RGPD3: variants seen among roughly 807,000 people sequenced by gnomAD.
RGPD3 encodes the protein ranBP2-like and GRIP domain-containing protein 3.
In RGPD3, 62 loss-of-function variants were observed where a neutral mutation model predicts 154.5. The observed-to-expected ratio is 0.40, with a 90% CI of 0.33 to 0.50. The LOEUF (loss-of-function observed/expected upper bound fraction) is 0.50, where lower values mean the gene tolerates loss of function less well. Among genes scored for constraint, RGPD3 ranks in the 20% least tolerant of loss-of-function variants. The probability of loss-of-function intolerance (pLI) is 0.59; values close to 1 mark genes in which losing one functional copy is unlikely to be tolerated. For missense variants in RGPD3, 919 were observed against 1,716.8 expected, an observed-to-expected ratio of 0.54 and a Z score of 8.21; for synonymous variants, 308 against 607.0, an observed-to-expected ratio of 0.51 and a Z score of 7.24.
intron 17 of RGPD3, among the ~76,000 whole-genome samples, chr2:106,432,314 C>T (rs1370948418): frequency 6.8e-6 from 1 of 147,912 alleles, no homozygotes; most frequent in African/African-American, 2.5e-5. Context: ...TTAGCTGGGC[C>T]TGGTGGCGGG....
At position 106,423,818 on chromosome 2, in the gene RGPD3, C is replaced by G. The variant is rs376982005; in HGVS notation, c.4149G>C (p.Lys1383Asn). 1.5e-5 allele frequency: 24 copies of G among 1,611,860 alleles called. No homozygotes were observed. The highest frequency in any genetic ancestry group is 2.0e-5 in the Non-Finnish European group (24 of 1,179,872). The change falls in exon 20 of 23, where the codon AAG becomes AAC. Residue 1383 changes from lysine to asparagine, a missense_variant. By Grantham distance (94) the Lys-to-Asn change is moderately conservative. Coordinates refer to ENST00000409886, the MANE Select transcript of RGPD3 (RefSeq NM_001144013.2). ...QWKERGIGDIKILQNYDNKHV... is the reference protein window; with the variant it reads ...QWKERGIGDINILQNYDNKHV... ...GCTTATTATCATAATTCTGTAAAAT[C>G]TTTATATCACCAATGCCCCTTTCTT...
intron 6 of RGPD3, among the ~76,000 whole-genome samples, chr2:106,448,108 CTTTTTT>C (rs376235888): frequency 1.0e-4 from 11 of 110,088 alleles, no homozygotes; most frequent in African/African-American, 3.4e-4. Context: ...AATAAATTGT[CTTTTTT>C]TTTTTTTTTT....
intron 1 of RGPD3, among the ~76,000 whole-genome samples, chr2:106,467,434 G>T (rs1573310816): frequency 1.0e-5 from 1 of 98,110 alleles, no homozygotes; most frequent in Non-Finnish European, 2.1e-5. Flanking sequence ...GGCCGCCGCC[G>T]GGCCGGGTCG....
upstream of RGPD3, among the ~76,000 whole-genome samples, chr2:106,468,769 G>C (rs1423910711): frequency 5.2e-5 from 6 of 115,148 alleles, no homozygotes; most frequent in African/African-American, 1.7e-4. Context: ...TTGCCCCACT[G>C]TACTCTAGCC....
Position 106,415,975 on chromosome 2 carries a change from A to T in RGPD3, c.4939T>A (p.Tyr1647Asn), listed in dbSNP as rs200839134. The T allele has an allele frequency of 5.3e-5, 85 of 1,611,666 alleles. No homozygotes were observed. The African/African-American group carries it at 8.2e-4, about 15-fold the overall frequency. Residue 1647 changes from tyrosine (Y) to asparagine (N), a missense_variant, in exon 21 of 23, where the codon TAT becomes AAT. Tyr to Asn is a moderately radical substitution (Grantham distance 143). Coordinates refer to ENST00000409886, the MANE Select transcript of RGPD3 (RefSeq NM_001144013.2). ...AATTCTTCTTTAGTAAATTCAGCAT[A>T]CCATAATGGAGGCTCTGCAACATGT... ...KTPEKEPPLW[Y>N]AEFTKEELVQ... is the part of the protein sequence containing the mutation.
chr2:106,463,186 G>GA (rs1241030590), intron 1 of RGPD3, among the ~76,000 whole-genome samples: 1 of 147,778 alleles, frequency 6.8e-6, no homozygotes, highest in Non-Finnish European at 1.5e-5. Flanking sequence ...TCAAAATTGC[G>GA]AAAAAAATTA....
chr2:106,415,841 T>C lies in RGPD3; in HGVS notation c.5064+9A>G, dbSNP rs554567030. On this transcript the variant is annotated intron_variant, in intron 21 of 22. Coordinates refer to ENST00000409886, the MANE Select transcript of RGPD3 (RefSeq NM_001144013.2). Reference sequence around the variant, plus strand: ...CAGTTTTTATGGTGGCCAGGTTTTCTGATCTCACCTTAATTTGCTCCATAA... The same window carrying C: ...CAGTTTTTATGGTGGCCAGGTTTTCCGATCTCACCTTAATTTGCTCCATAA... 3.7e-6 allele frequency: 6 copies of C among 1,611,892 alleles called. No homozygotes were observed. In the African/African-American group the frequency reaches 6.7e-5, roughly 18 times the overall value.
At chr2:106,465,633 C>T (rs1678549252) in intron 1 of RGPD3, among the ~76,000 whole-genome samples, 1 of 149,452 alleles carries the variant, frequency 6.7e-6, no homozygotes. Context: ...GTAATCTCAG[C>T]ATTATTTACA....
intron 20 of RGPD3, among the ~76,000 whole-genome samples, chr2:106,422,122 G>A (rs1300875013): frequency 6.6e-6 from 1 of 151,876 alleles, no homozygotes; most frequent in Non-Finnish European, 1.5e-5. Context: ...AAAGGCTATG[G>A]GATTAGATTT....
intron 20 of RGPD3, among the ~76,000 whole-genome samples, chr2:106,421,258 G>T (rs546286840): frequency 6.6e-6 from 1 of 152,072 alleles, no homozygotes; most frequent in East Asian, 1.9e-4. Context: ...AACAGAATAA[G>T]GCTCTATGTT....
intron 7 of RGPD3, among the ~76,000 whole-genome samples, chr2:106,445,378 A>G (rs1677883449): frequency 6.7e-6 from 1 of 149,606 alleles, no homozygotes; most frequent in Admixed American, 6.6e-5. Context: ...TTACCTAGTG[A>G]ACCTCACTAA....
chr2:106,412,687 A>G (rs1573240246), intron 22 of RGPD3: 1 of 457,986 alleles, frequency 2.2e-6, no homozygotes, highest in Non-Finnish European at 4.3e-6. Context: ...CTATGGCTCC[A>G]TTGTCTTAAG....
intron 1 of RGPD3, among the ~76,000 whole-genome samples, chr2:106,467,756 T>A (rs1678676322): frequency 1.5e-5 from 2 of 133,398 alleles, no homozygotes; most frequent in African/African-American, 6.0e-5. Flanking sequence ...GCAGCGCCCG[T>A]CGGGAGCCAT....
At chr2:106,461,174 T>C (rs1212259261) in intron 1 of RGPD3, among the ~76,000 whole-genome samples, 7 of 118,234 alleles carry the variant, frequency 5.9e-5, no homozygotes, top group African/African-American at 2.3e-4. Flanking sequence ...GATTTGTTCT[T>C]ACCATAGATC....
chr2:106,467,602 AAGGCAGCCGCCGGGCCGGGTCG>A (rs1258747750), intron 1 of RGPD3, among the ~76,000 whole-genome samples: 7 of 123,684 alleles, frequency 5.7e-5, no homozygotes, highest in African/African-American at 6.1e-5. Context: ...CTGAGCCATC[AAGGCAGCCGCCGGGCCGGGTCG>A]AGGCAGCCGC....
At chr2:106,463,838 A>G (rs1356061263) in intron 1 of RGPD3, among the ~76,000 whole-genome samples, 1 of 152,138 alleles carries the variant, frequency 6.6e-6, no homozygotes, top group Non-Finnish European at 1.5e-5. Context: ...TAGTAACACA[A>G]CATACAAGCA....
At chr2:106,467,361 C>G (rs375603394) in intron 1 of RGPD3, among the ~76,000 whole-genome samples, 2,459 of 27,148 alleles carry the variant, frequency 0.091, no homozygotes, top group African/African-American at 0.11. Flanking sequence ...GTCGAGGCCG[C>G]CGCCTCAACA....
At chr2:106,449,640 G>C (rs562739369) in intron 6 of RGPD3, among the ~76,000 whole-genome samples, 2 of 152,120 alleles carry the variant, frequency 1.3e-5, no homozygotes, top group South Asian at 4.1e-4. Context: ...CACTTTGGAA[G>C]GCCAAGGCAG....
intron 18 of RGPD3, among the ~76,000 whole-genome samples, chr2:106,426,361 A>C (rs988644089): frequency 6.6e-6 from 1 of 151,750 alleles, no homozygotes. Context: ...AATAAAGAAG[A>C]AAGTAACTGT....
Sources: allele counts gnomAD v4.1 joint callset (sites outside exome capture counted in the v4.1 genomes callset), GRCh38; gene constraint gnomAD v4.1.1; transcripts MANE v1.5; gene names NCBI Gene and HGNC (gene_info 2026-07-23, HGNC 2026-07-21).